The following CAMKMT variants were observed in gnomAD, a reference collection of about 807,000 sequenced individuals.
CAMKMT encodes the protein CaM KMT.
A neutral mutation model predicts 48.0 loss-of-function variants in CAMKMT; 53 were observed. That is an observed-to-expected ratio of 1.10 (90% CI 0.89 to 1.39). CAMKMT has a LOEUF of 1.39. CAMKMT is among the 40% of genes most tolerant of loss of function. The pLI, the probability that CAMKMT is intolerant of heterozygous loss-of-function variation, is 0.00. For missense variants in CAMKMT, 428 were observed against 402.7 expected (o/e 1.06, Z -0.54); for synonymous variants, 165 against 152.3 (o/e 1.08, Z -0.61).
intron 3 of CAMKMT, among the ~76,000 whole-genome samples, chr2:44,526,642 CA>C (rs1296913728): frequency 1.3e-5 from 2 of 152,130 alleles, no homozygotes; most frequent in Non-Finnish European, 1.5e-5. Context: ...CAAATTCACC[CA>C]TCCTTTGTCT....
intron 3 of CAMKMT, among the ~76,000 whole-genome samples, chr2:44,621,281 A>AAAAAAATAAAAAAAAAT (rs1672180133): frequency 7.9e-5 from 12 of 150,960 alleles, no homozygotes; most frequent in African/African-American, 2.2e-4. Flanking sequence ...AAAAAAAAAA[A>AAAAAAATAAAAAAAAAT]AAAAGCATAA....
chr2:44,559,616 A>T (rs1466647924), intron 3 of CAMKMT, among the ~76,000 whole-genome samples: 3 of 152,128 alleles, frequency 2.0e-5, no homozygotes, highest in Non-Finnish European at 4.4e-5. Flanking sequence ...TCCCTTTGAA[A>T]GATGTGTCTT....
At chr2:44,410,247 ATTTTTT>A (rs1164693728) in intron 3 of CAMKMT, among the ~76,000 whole-genome samples, 5 of 19,466 alleles carry the variant, frequency 2.6e-4, no homozygotes, top group African/African-American at 5.2e-4. Flanking sequence ...ATATATATAT[ATTTTTT>A]TTTTTTTTTT....
chr2:44,683,214 C>CG (rs1553437496), intron 3 of CAMKMT, among the ~76,000 whole-genome samples: 2 of 103,522 alleles, frequency 1.9e-5, no homozygotes, highest in African/African-American at 8.3e-5. Context: ...GAAATAGAAA[C>CG]CAAAAAAAAA....
chr2:44,558,238 C>A (rs1668127603), intron 3 of CAMKMT, among the ~76,000 whole-genome samples: 1 of 152,074 alleles, frequency 6.6e-6, no homozygotes, highest in Admixed American at 6.5e-5. Context: ...TGGCATCTTG[C>A]AATGTTGCCC....
chr2:44,391,844 A>G (rs995524316), intron 3 of CAMKMT: 3 of 153,056 alleles, frequency 2.0e-5, no homozygotes, highest in African/African-American at 7.2e-5. Flanking sequence ...GAAATATTGC[A>G]TATTCAGGGT....
At chr2:44,760,441 T>C (rs944595707) in intron 9 of CAMKMT, among the ~76,000 whole-genome samples, 3 of 151,750 alleles carry the variant, frequency 2.0e-5, no homozygotes, top group Non-Finnish European at 4.4e-5. Context: ...AAACCCCGTC[T>C]CTACTAAAAA....
At chr2:44,714,154 C>T (rs562282543) in intron 6 of CAMKMT, among the ~76,000 whole-genome samples, 6 of 152,246 alleles carry the variant, frequency 3.9e-5, no homozygotes, top group East Asian at 1.9e-4. Flanking sequence ...AGAAAACATA[C>T]GCAACAGGGT....
At chr2:44,748,241 G>A (rs752682136) in intron 8 of CAMKMT, among the ~76,000 whole-genome samples, 1 of 152,214 alleles carries the variant, frequency 6.6e-6, no homozygotes, top group Non-Finnish European at 1.5e-5. Flanking sequence ...GATTTGGAGA[G>A]ATGGAGTAGA....
chr2:44,451,968 A>G (rs1307064344), intron 3 of CAMKMT, among the ~76,000 whole-genome samples: 1 of 151,992 alleles, frequency 6.6e-6, no homozygotes, highest in Non-Finnish European at 1.5e-5. Context: ...AAGCATAACA[A>G]TGCAAATACC....
intron 9 of CAMKMT, among the ~76,000 whole-genome samples, chr2:44,764,436 G>C (rs189848100): frequency 6.6e-6 from 1 of 151,768 alleles, no homozygotes. Context: ...ACAATTTGTC[G>C]GGGGGAAAAA....
intron 3 of CAMKMT, among the ~76,000 whole-genome samples, chr2:44,487,309 T>C (rs1363950447): frequency 6.6e-6 from 1 of 152,140 alleles, no homozygotes; most frequent in Non-Finnish European, 1.5e-5. Flanking sequence ...TGCTCTTAAA[T>C]CATCTACAGC....
At chr2:44,497,515 AAAAC>A (rs969051872) in intron 3 of CAMKMT, among the ~76,000 whole-genome samples, 2 of 152,164 alleles carry the variant, frequency 1.3e-5, no homozygotes, top group African/African-American at 4.8e-5. Context: ...ATTTAGTAAA[AAAAC>A]AAACATATTT....
chr2:44,638,474 T>G, intron 3 of CAMKMT, among the ~76,000 whole-genome samples: 1 of 152,192 alleles, frequency 6.6e-6, no homozygotes, highest in Non-Finnish European at 1.5e-5. Flanking sequence ...TCTAAAATCC[T>G]GCCATCTGCT....
intron 3 of CAMKMT, among the ~76,000 whole-genome samples, chr2:44,545,725 G>A: frequency 6.6e-6 from 1 of 150,772 alleles, no homozygotes; most frequent in East Asian, 1.9e-4. Context: ...AGATACCGGA[G>A]GGGAGAAGGG....
chr2:44,496,395 C>T (rs377165122), intron 3 of CAMKMT, among the ~76,000 whole-genome samples: 1 of 152,192 alleles, frequency 6.6e-6, no homozygotes, highest in Admixed American at 6.5e-5. Context: ...CAAAGAAACA[C>T]GGGCACCCTA....
intron 6 of CAMKMT, among the ~76,000 whole-genome samples, chr2:44,710,154 A>G (rs1677803851): frequency 6.6e-6 from 1 of 150,500 alleles, no homozygotes; most frequent in Non-Finnish European, 1.5e-5. Context: ...ATTTTATATT[A>G]TTTCTATTTG....
chr2:44,503,984 G>GGAGAGAGAGAGAGA (rs370141046), intron 3 of CAMKMT, among the ~76,000 whole-genome samples: 27 of 142,690 alleles, frequency 1.9e-4, no homozygotes, highest in South Asian at 1.1e-3. Flanking sequence ...GAGCGGGTGG[G>GGAGAGAGAGAGAGA]GAGAGAGAGA....
At chr2:44,741,355 A>G (rs538517416) in intron 7 of CAMKMT, among the ~76,000 whole-genome samples, 2 of 152,354 alleles carry the variant, frequency 1.3e-5, no homozygotes, top group East Asian at 3.9e-4. Flanking sequence ...CCAAGATAGC[A>G]GGCTGCCTGA....
Sources: allele counts gnomAD v4.1 joint callset (sites outside exome capture counted in the v4.1 genomes callset), GRCh38; gene constraint gnomAD v4.1.1; transcripts MANE v1.5; gene names NCBI Gene and HGNC (gene_info 2026-07-23, HGNC 2026-07-21).